Variants in VAV1 observed in about 807,000 individuals in gnomAD.
VAV1 encodes proto-oncogene vav.
In VAV1, 33 loss-of-function variants were observed where a neutral mutation model predicts 128.1. That is an observed-to-expected ratio of 0.26 (90% CI 0.20 to 0.34). The LOEUF (loss-of-function observed/expected upper bound fraction) is 0.34, where lower values mean the gene tolerates loss of function less well. Ranked by LOEUF, VAV1 falls within the 10% of genes least tolerant of loss-of-function variation. The pLI is 1.00. For missense variants in VAV1, 715 were observed against 1,093.7 expected, an observed-to-expected ratio of 0.65 and a Z score of 4.88; for synonymous variants, 394 against 409.8, an observed-to-expected ratio of 0.96 and a Z score of 0.47.
intron 1 of VAV1, among the ~76,000 whole-genome samples, chr19:6,814,180 C>T (rs1011690135): frequency 6.6e-5 from 10 of 152,198 alleles, no homozygotes; most frequent in African/African-American, 2.4e-4. Flanking sequence ...TGTTTCACAT[C>T]TTCTAGGCTA....
chr19:6,854,735 A>G (rs978578118), intron 26 of VAV1, among the ~76,000 whole-genome samples: 1 of 152,014 alleles, frequency 6.6e-6, no homozygotes, highest in African/African-American at 2.4e-5. Flanking sequence ...AGAATAAAAG[A>G]GATTGTGGTG....
intron 1 of VAV1, among the ~76,000 whole-genome samples, chr19:6,817,373 A>C (rs1443119118): frequency 6.6e-6 from 1 of 151,972 alleles, no homozygotes; most frequent in Non-Finnish European, 1.5e-5. Context: ...CAAAAAATGC[A>C]AATATTGTTA....
chr19:6,850,836 T>G, intron 24 of VAV1, 79 bp downstream of exon 24: 1 of 1,434,316 alleles, frequency 7.0e-7, no homozygotes, highest in Non-Finnish European at 9.7e-7. Context: ...TGGGACCCCC[T>G]TTTCCCACAT....
chr19:6,839,561 C>A (rs777210532), intron 21 of VAV1, among the ~76,000 whole-genome samples: 11 of 152,130 alleles, frequency 7.2e-5, no homozygotes, highest in Non-Finnish European at 1.2e-4. Flanking sequence ...AGCCACCACG[C>A]CCGGCTGGGT....
At position 6,857,199 on chromosome 19, in the gene VAV1, G is replaced by C; in HGVS notation, c.*92G>C. On this transcript the variant is annotated 3_prime_UTR_variant, in exon 27 of 27. Transcript: ENST00000602142. ...GCCAGGGGCTGTGACAGCTCCCGGC[G>C]GGTGGAGACTTTGGGATGGACTGGA... is the stretch of plus-strand genomic sequence containing the variant. The C allele has an allele frequency of 3.6e-5, 56 of 1,565,502 alleles. No homozygotes were observed. Among genetic ancestry groups the C allele is most frequent in the Non-Finnish European group, 4.9e-5 (56 of 1,151,082 alleles).
At position 6,832,157 on chromosome 19, in the gene VAV1, A is replaced by G; in HGVS notation, c.1465A>G (p.Arg489Gly). ...GGGCTATGAGCTGTTCTTCAAGACA[A>G]GAGAATTGAAGAAGAAGTGGATGGA... The part of the protein sequence containing the change: ...AQGYELFFKT[R>G]ELKKKWMEQF... The change falls in exon 15 of 27, where the codon AGA becomes GGA. Residue 489 changes from arginine (R) to glycine (G), a missense_variant. Coordinates refer to ENST00000602142, the MANE Select transcript of VAV1 (RefSeq NM_005428.4). 1 of 1,614,102 alleles carries G rather than the reference A, an allele frequency of 6.2e-7. No homozygotes were observed. The highest frequency in any genetic ancestry group is 8.5e-7 in the Non-Finnish European group (1 of 1,179,956).
intron 1 of VAV1, among the ~76,000 whole-genome samples, chr19:6,815,392 C>T (rs1971623759): frequency 6.6e-6 from 1 of 152,112 alleles, no homozygotes; most frequent in African/African-American, 2.4e-5. Context: ...ATCCTCTCGC[C>T]TTGGTTTCCC....
At chr19:6,812,878 G>A (rs1219586659) in intron 1 of VAV1, among the ~76,000 whole-genome samples, 4 of 152,140 alleles carry the variant, frequency 2.6e-5, no homozygotes. Context: ...GGAGAATGGT[G>A]ATGGTGGTGA....
In VAV1 at chr19:6,828,259, G is replaced by A; in HGVS notation, c.1023+88G>A. 3 of 1,549,436 alleles carry A rather than the reference G, an allele frequency of 1.9e-6. No individual in the cohort carries two copies. Among genetic ancestry groups the A allele is most frequent in the South Asian group, 2.3e-5 (2 of 87,682 alleles). On this transcript the variant is annotated intron_variant, in intron 10 of 26. Coordinates refer to ENST00000602142, the MANE Select transcript of VAV1 (RefSeq NM_005428.4). The surrounding 1 kb of genome is among the most constrained non-coding windows in gnomAD (Gnocchi z 4.5). ...GGACGGGGCTGGCTTCTGGGGGTTG[G>A]GTCTCTAGGACGCTCGGGGATGGGT...
intron 1 of VAV1, among the ~76,000 whole-genome samples, chr19:6,783,558 C>A (rs774589117): frequency 1.3e-5 from 2 of 149,006 alleles, no homozygotes; most frequent in South Asian, 2.1e-4. Flanking sequence ...CAGTGCATCA[C>A]GGCAACCTCC....
chr19:6,845,838 TATC>T (rs1316476188), intron 22 of VAV1, among the ~76,000 whole-genome samples: 2 of 148,042 alleles, frequency 1.4e-5, no homozygotes, highest in Non-Finnish European at 3.0e-5. Context: ...TTTACATTTA[TATC>T]ATCTTATCAC....
intron 25 of VAV1, 115 bp from the exon 26 acceptor site, chr19:6,853,832 A>G: frequency 7.3e-7 from 1 of 1,370,206 alleles, no homozygotes; most frequent in African/African-American, 1.4e-5. Context: ...ACTCTGCAGA[A>G]AAGAGCACTG....
chr19:6,778,009 T>A (rs113874197), intron 1 of VAV1, among the ~76,000 whole-genome samples: 4 of 152,016 alleles, frequency 2.6e-5, no homozygotes, highest in African/African-American at 9.7e-5. Context: ...TGATCTTGGC[T>A]CACTGCAACC....
chr19:6,822,678 G>A lies in VAV1; in HGVS notation c.654+164G>A, dbSNP rs73484434. ...CTCTGAGTTTCTCTGACTTACATATGTATATATAAATATGAGTCTGACGTA... is the reference window on the plus strand; with the variant it reads ...CTCTGAGTTTCTCTGACTTACATATATATATATAAATATGAGTCTGACGTA... On this transcript the variant is annotated intron_variant, in intron 6 of 26. Coordinates refer to ENST00000602142, the MANE Select transcript of VAV1 (RefSeq NM_005428.4). The surrounding 1 kb of genome is among the most constrained non-coding windows in gnomAD (Gnocchi z 5.9). 3.0e-3 allele frequency among the ~76,000 whole-genome samples: 445 copies of A among 150,748 alleles called. 2 individuals are homozygous for A. Among genetic ancestry groups the A allele is most frequent in the African/African-American group, 9.9e-3 (406 of 41,178 alleles).
chr19:6,850,205 TTTTGTTTG>T (rs1162236102), intron 23 of VAV1, among the ~76,000 whole-genome samples: 1 of 142,590 alleles, frequency 7.0e-6, no homozygotes, highest in African/African-American at 2.7e-5. Flanking sequence ...ATAGGAAGAG[TTTTGTTTG>T]TTTGTTTCTT....
At chr19:6,778,339 A>AT (rs1970690438) in intron 1 of VAV1, among the ~76,000 whole-genome samples, 1 of 152,182 alleles carries the variant, frequency 6.6e-6, no homozygotes, top group Non-Finnish European at 1.5e-5. Context: ...ATCCACCAGG[A>AT]CATGGGAGCT....
In VAV1 at chr19:6,772,858, G is replaced by A; in HGVS notation, c.51G>A (p.Leu17=). 1 of 1,614,086 alleles carries A rather than the reference G, an allele frequency of 6.2e-7. No individual in the cohort carries two copies. The highest frequency in any genetic ancestry group is 1.1e-5 in the South Asian group (1 of 91,086). The stretch of plus-strand genomic sequence containing the variant: ...ACTGGCTCATCCAGTGCCGGGTGCT[G>A]CCGCCCAGCCACCGCGTGACCTGGG... The part of the protein sequence containing the change: ...CTHWLIQCRV[L]PPSHRVTWDG... The change falls in exon 1 of 27, where the codon CTG becomes CTA. Residue 17 remains leucine, a synonymous_variant. Transcript: ENST00000602142. This position sits in a 1 kb window ranked among gnomAD's most constrained non-coding sequence, Gnocchi z 4.8.
At chr19:6,816,131 T>G (rs1025512282) in intron 1 of VAV1, among the ~76,000 whole-genome samples, 1 of 151,024 alleles carries the variant, frequency 6.6e-6, no homozygotes, top group Non-Finnish European at 1.5e-5. Flanking sequence ...GCCATTCTCC[T>G]GCCTCAGCCT....
In VAV1 at chr19:6,809,550, T is replaced by C. The variant is rs558745811; in HGVS notation, c.205-11152T>C. On this transcript the variant is annotated intron_variant, in intron 1 of 26. Coordinates refer to ENST00000602142, the MANE Select transcript of VAV1 (RefSeq NM_005428.4). ...CTGGAGCAGAGGTGGGAGAGGTAAG[T>C]GAGAAAAAAAAGAGTAGAGTCATCA... Among the ~76,000 whole-genome samples, 133 of 151,444 alleles carry C rather than the reference T, an allele frequency of 8.8e-4. 1 individual carries two copies. The highest frequency in any genetic ancestry group is 3.5e-3 in the Admixed American group (54 of 15,242).
Sources: gnomAD v4.1 joint callset for allele counts (sites outside exome capture counted in the v4.1 genomes callset) on GRCh38, gnomAD v4.1.1 for gene constraint, Gnocchi (gnomAD v3.1) non-coding constraint, MANE v1.5 for transcripts, NCBI Gene and HGNC (gene_info 2026-07-23, HGNC 2026-07-21) for gene names.